Variants in MYO1D observed in about 807,000 individuals in gnomAD.
The protein encoded by MYO1D is unconventional myosin-Id.
MYO1D carries 83 observed loss-of-function variants against 122.0 expected under a neutral mutation model. The ratio of observed to expected loss-of-function variants is 0.68; its 90% CI spans 0.57 to 0.82. MYO1D has a LOEUF of 0.82. Ranked by LOEUF, MYO1D falls within the 40% of genes least tolerant of loss-of-function variation. The probability of loss-of-function intolerance (pLI) is 0.00; values close to 1 mark genes in which losing one functional copy is unlikely to be tolerated. For missense variants in MYO1D, 1,157 were observed against 1,269.5 expected, an observed-to-expected ratio of 0.91 and a Z score of 1.35; for synonymous variants, 464 against 446.9, an observed-to-expected ratio of 1.04 and a Z score of -0.48.
intron 20 of MYO1D, among the ~76,000 whole-genome samples, chr17:32,623,823 C>T (rs1389655387): frequency 5.3e-5 from 8 of 152,248 alleles, no homozygotes; most frequent in South Asian, 4.1e-4. Flanking sequence ...GCCAACTTCT[C>T]GTAGTGTCCT....
At chr17:32,821,605 C>T (rs1158035747) in intron 1 of MYO1D, among the ~76,000 whole-genome samples, 1 of 151,828 alleles carries the variant, frequency 6.6e-6, no homozygotes, top group African/African-American at 2.4e-5. Flanking sequence ...CCAGGGAGAT[C>T]TAGTCCTATA....
chr17:32,745,243 T>C lies in MYO1D; in HGVS notation c.1581A>G (p.Leu527=), dbSNP rs771178551. Residue 527 remains leucine (L), a synonymous_variant, in exon 13 of 22, where the codon TTA becomes TTG. Coordinates refer to ENST00000318217, the MANE Select transcript of MYO1D (RefSeq NM_015194.3). ...ACATAAGGCGCTTGAAATCTTGAAA[T>C]AAAGTATCTTTATTTTTGTCAATAA... is the stretch of plus-strand genomic sequence containing the variant. ...IGFIDKNKDT[L]FQDFKRLMYN... is the part of the protein sequence containing the mutation. 37 of 1,544,982 alleles carry C rather than the reference T, an allele frequency of 2.4e-5. No homozygotes were observed. The East Asian group carries it at 7.2e-4, about 30-fold the overall frequency.
chr17:32,605,293 A>C, intron 20 of MYO1D, 52 bp from the exon 21 acceptor site: 1 of 1,480,700 alleles, frequency 6.8e-7, no homozygotes, highest in Non-Finnish European at 9.2e-7. Flanking sequence ...CAAAAGAATG[A>C]ATTAAAAAAT....
At chr17:32,862,290 T>C (rs2091084260) in intron 1 of MYO1D, among the ~76,000 whole-genome samples, 1 of 152,224 alleles carries the variant, frequency 6.6e-6, no homozygotes, top group Non-Finnish European at 1.5e-5. Context: ...ACTGGTTTAG[T>C]ATATTCCCCT....
intron 21 of MYO1D, among the ~76,000 whole-genome samples, chr17:32,589,567 C>A (rs1423023528): frequency 6.6e-6 from 1 of 152,190 alleles, no homozygotes; most frequent in African/African-American, 2.4e-5. Context: ...GAAGGGATTA[C>A]TGGACAGACC....
intron 1 of MYO1D, among the ~76,000 whole-genome samples, chr17:32,813,647 G>A (rs971469006): frequency 1.3e-5 from 2 of 152,202 alleles, no homozygotes; most frequent in African/African-American, 4.8e-5. Flanking sequence ...AACAGTAAAG[G>A]AAAGGAAAAC....
At chr17:32,504,291 G>T (rs559516312) in intron 21 of MYO1D, among the ~76,000 whole-genome samples, 1 of 152,270 alleles carries the variant, frequency 6.6e-6, no homozygotes, top group African/African-American at 2.4e-5. Context: ...AGCCTGGGCT[G>T]CCCCTCCCCC....
chr17:32,835,274 C>T (rs976765796), intron 1 of MYO1D, among the ~76,000 whole-genome samples: 2 of 151,664 alleles, frequency 1.3e-5, no homozygotes, highest in African/African-American at 4.8e-5. Context: ...TAAAATGTTA[C>T]CCCTTCTGTG....
chr17:32,712,117 T>C lies in MYO1D; in HGVS notation c.1992A>G (p.Glu664=). 6.2e-7 allele frequency: 1 copy of C among 1,614,080 alleles called. No homozygotes were observed. The highest frequency in any genetic ancestry group is 1.1e-5 in the South Asian group (1 of 91,078). ...CTACATCATCCTGAAAACCACACCGTTCAATTAGTTTCTTGACAGCCTCTT... is the reference window on the plus strand; with the variant it reads ...CTACATCATCCTGAAAACCACACCGCTCAATTAGTTTCTTGACAGCCTCTT... ...SDKEAVKKLI[E]RCGFQDDVAY... is the part of the protein sequence containing the mutation. Residue 664 remains glutamate, a synonymous_variant, in exon 16 of 22, where the codon GAA becomes GAG. Transcript: ENST00000318217.
intron 1 of MYO1D, among the ~76,000 whole-genome samples, chr17:32,869,932 A>G (rs2091164456): frequency 6.6e-6 from 1 of 151,130 alleles, no homozygotes; most frequent in Non-Finnish European, 1.5e-5. Flanking sequence ...GACCTCGTCT[A>G]AAAAAAAGAA....
intron 7 of MYO1D, among the ~76,000 whole-genome samples, chr17:32,765,547 C>T (rs911557857): frequency 4.6e-4 from 70 of 152,198 alleles, no homozygotes; most frequent in African/African-American, 1.7e-3. Flanking sequence ...CAAGCTCTGC[C>T]TCCTGGGTTC....
intron 19 of MYO1D, among the ~76,000 whole-genome samples, chr17:32,648,053 A>C (rs1234503984): frequency 6.6e-6 from 1 of 152,132 alleles, no homozygotes; most frequent in African/African-American, 2.4e-5. Context: ...GCCTATACTA[A>C]AAATATAAAA....
intron 21 of MYO1D, among the ~76,000 whole-genome samples, chr17:32,576,336 T>C (rs375061581): frequency 2.1e-4 from 32 of 152,300 alleles, no homozygotes; most frequent in East Asian, 9.6e-4. Context: ...AAGGACAGCA[T>C]ATTTAGGAAT....
intron 1 of MYO1D, among the ~76,000 whole-genome samples, chr17:32,808,369 T>TAAA (rs201707206): frequency 7.5e-6 from 1 of 133,100 alleles, no homozygotes; most frequent in Non-Finnish European, 1.6e-5. Flanking sequence ...CCTGTCTCTT[T>TAAA]AAAAAAAAAA....
intron 20 of MYO1D, among the ~76,000 whole-genome samples, chr17:32,626,758 G>A (rs321157): frequency 0.33 from 49,899 of 152,008 alleles, 8,458 homozygotes; most frequent in South Asian, 0.47. Flanking sequence ...AACCATCAAC[G>A]GGGGAGCTCT....
rs73276377 is a variant in MYO1D, at chr17:32,556,911, A to C, written c.2864+48176T>G. The stretch of plus-strand genomic sequence containing the variant: ...GGCTCTTTGTGGAACCTGAAACTTG[A>C]TGATGTTTGTTTCCTTTACAATGTG... On this transcript the variant is annotated intron_variant, in intron 21 of 21. Coordinates refer to ENST00000318217, the MANE Select transcript of MYO1D (RefSeq NM_015194.3). Among the ~76,000 whole-genome samples, 1,117 of 152,284 alleles carry C rather than the reference A, an allele frequency of 7.3e-3. 14 individuals carry two copies. Among genetic ancestry groups the C allele is most frequent in the African/African-American group, 0.02 (836 of 41,552 alleles).
chr17:32,656,203 G>A (rs369431920), intron 17 of MYO1D, among the ~76,000 whole-genome samples: 25 of 152,210 alleles, frequency 1.6e-4, no homozygotes, highest in African/African-American at 4.6e-4. Flanking sequence ...AATCAAGGCC[G>A]GCTGTTCTCA....
At chr17:32,751,790 T>C (rs1210204861) in intron 11 of MYO1D, among the ~76,000 whole-genome samples, 1 of 151,912 alleles carries the variant, frequency 6.6e-6, no homozygotes, top group Non-Finnish European at 1.5e-5. Context: ...CACAAAAAAA[T>C]GAAAAAACAT....
rs139940916 is a variant in MYO1D at position 32,566,528 on chromosome 17, G to A, written c.2864+38559C>T. Among the ~76,000 whole-genome samples, 749 of 151,912 alleles carry A rather than the reference G, an allele frequency of 4.9e-3. 4 individuals carry two copies. Among genetic ancestry groups the A allele is most frequent in the African/African-American group, 0.017 (716 of 41,286 alleles). ...CAGGAAAATGCAGAGTGAGGAGGTGGGGCCACATCGTGTAGGCTGTGGGAG... is the reference window on the plus strand; with the variant it reads ...CAGGAAAATGCAGAGTGAGGAGGTGAGGCCACATCGTGTAGGCTGTGGGAG... On this transcript the variant is annotated intron_variant, in intron 21 of 21. Transcript: ENST00000318217.
Sources: gnomAD v4.1 joint callset for allele counts (sites outside exome capture counted in the v4.1 genomes callset) on GRCh38, gnomAD v4.1.1 for gene constraint, MANE v1.5 for transcripts, NCBI Gene and HGNC (gene_info 2026-07-23, HGNC 2026-07-21) for gene names.